Variants in CPLANE1 observed in about 807,000 individuals in gnomAD.
CPLANE1 encodes ciliogenesis and planar polarity effector complex subunit 1, also known as ciliogenesis and planar polarity effector 1.
A neutral mutation model predicts 362.5 loss-of-function variants in CPLANE1; 263 were observed. The observed-to-expected ratio is 0.73, with a 90% CI of 0.66 to 0.80. The LOEUF is 0.80. Ranked by LOEUF, CPLANE1 falls within the 30% of genes least tolerant of loss-of-function variation. CPLANE1 has a pLI of 0.00. For synonymous variants in CPLANE1, 1,212 were observed against 1,302.6 expected (o/e 0.93, Z 1.50); for missense variants, 3,461 against 3,793.4 (o/e 0.91, Z 2.30).
intron 26 of CPLANE1, among the ~76,000 whole-genome samples, chr5:37,182,415 C>G (rs1364993727): frequency 2.6e-5 from 4 of 152,198 alleles, no homozygotes; most frequent in Non-Finnish European, 4.4e-5. Context: ...ATTAAAACTA[C>G]AGAGCCACCT....
chr5:37,209,517 G>A lies in CPLANE1; in HGVS notation c.2921-3092C>T. ...GCTAATTCATGAGTTAATGCACCCT[G>A]TATTGAGTGGAGAACTGCAACCTCA... On this transcript the variant is annotated intron_variant, in intron 16 of 52. Coordinates refer to ENST00000651892, the MANE Select transcript of CPLANE1 (RefSeq NM_001384732.1). This position sits in a 1 kb window ranked among gnomAD's most constrained non-coding sequence, Gnocchi z 4.6. The A allele has an allele frequency of 1.6e-6, 2 of 1,278,530 alleles. No homozygotes were observed. 79.2% of individuals were successfully genotyped at this position (1,278,530 alleles called of 1,614,324 possible). A position where few individuals can be genotyped will look rare whatever the true frequency, so the allele number is the denominator to read the frequency against.
chr5:37,131,374 A>C (rs1346299541), intron 46 of CPLANE1, among the ~76,000 whole-genome samples: 1 of 152,102 alleles, frequency 6.6e-6, no homozygotes, highest in East Asian at 1.9e-4. Context: ...CTCTAGCTAC[A>C]TCTAATTCCT....
intron 50 of CPLANE1, among the ~76,000 whole-genome samples, chr5:37,119,707 C>T (rs535411672): frequency 6.2e-4 from 87 of 141,268 alleles, no homozygotes; most frequent in African/African-American, 2.1e-3. Flanking sequence ...CATTCAAGGC[C>T]GGGCGTGGTG....
At chr5:37,110,803 CTTT>C (rs529885756) in intron 51 of CPLANE1, among the ~76,000 whole-genome samples, 6 of 125,020 alleles carry the variant, frequency 4.8e-5, no homozygotes, top group Admixed American at 8.9e-5. Flanking sequence ...AATGTATTAA[CTTT>C]TTTTTTTTTT....
At position 37,204,352 on chromosome 5, in the gene CPLANE1, C is replaced by T. The variant is rs576026592; in HGVS notation, c.3289+963G>A. On this transcript the variant is annotated intron_variant, in intron 18 of 52. Transcript: ENST00000651892. ...GGGCCTCACAGTTGCCCTGGTTTTA[C>T]ATTAAATATACGACATTAAATGACT... Among the ~76,000 whole-genome samples, 520 of 152,306 alleles carry T rather than the reference C, an allele frequency of 3.4e-3. 2 individuals carry two copies. Among genetic ancestry groups the T allele is most frequent in the African/African-American group, 0.012 (500 of 41,586 alleles).
At chr5:37,132,414 G>A (rs1223530142) in intron 46 of CPLANE1, among the ~76,000 whole-genome samples, 2 of 141,996 alleles carry the variant, frequency 1.4e-5, no homozygotes, top group South Asian at 2.2e-4. Flanking sequence ...GCGCAATCTC[G>A]GCTCACTGCA....
At chr5:37,146,145 T>C (rs1484382578) in intron 43 of CPLANE1, among the ~76,000 whole-genome samples, 12 of 152,086 alleles carry the variant, frequency 7.9e-5, no homozygotes, top group Admixed American at 5.2e-4. Flanking sequence ...TGGCCACTTA[T>C]AGATCTTAGC....
chr5:37,122,549 C>T, intron 47 of CPLANE1, 61 bp from the exon 48 acceptor site: 13 of 1,283,146 alleles, frequency 1.0e-5, no homozygotes, highest in Non-Finnish European at 1.4e-5. Flanking sequence ...AACCATTACA[C>T]ATAATTCTGT....
chr5:37,078,679 T>C, the CPLANE1 span, among the ~76,000 whole-genome samples: 1 of 152,218 alleles, frequency 6.6e-6, no homozygotes, highest in East Asian at 1.9e-4. Context: ...AGTGTAAAGG[T>C]GTTCCTTTTC....
chr5:37,135,209 C>T (rs1353678722), intron 46 of CPLANE1, among the ~76,000 whole-genome samples: 1 of 152,048 alleles, frequency 6.6e-6, no homozygotes, highest in African/African-American at 2.4e-5. Context: ...TCATTGTTTA[C>T]CCAAAAGTCA....
intron 16 of CPLANE1, 115 bp from the exon 17 acceptor site, chr5:37,206,540 T>C: frequency 1.5e-6 from 1 of 682,314 alleles, no homozygotes; most frequent in Non-Finnish European, 2.5e-6. Flanking sequence ...ACCAGGAAGA[T>C]ACATACAAAA....
rs1210751950 is a variant in CPLANE1, at chr5:37,120,284, A to G, written c.9242T>C (p.Met3081Thr). 3 of 1,600,496 alleles carry G rather than the reference A, an allele frequency of 1.9e-6. No homozygotes were observed. The highest frequency in any genetic ancestry group is 2.6e-6 in the Non-Finnish European group (3 of 1,175,262). Residue 3081 changes from methionine to threonine, a missense_variant, in exon 50 of 53, where the codon ATG (methionine) becomes ACG (threonine). Met to Thr is a moderately conservative substitution (Grantham distance 81). Around this residue, in one of 2 missense-constraint regions of CPLANE1, gnomAD observed 3,380 missense variants for 3,666.1 expected, o/e 0.92. Coordinates refer to ENST00000651892, the MANE Select transcript of CPLANE1 (RefSeq NM_001384732.1). ...CTTATGGATATAACTCGGTTTGGAC[A>G]TATATTTGACTTTTCCAGGTCGATT... ...LINRPGKVKY[M>T]SKPSYIHKRK...
rs1314263559 is a variant in CPLANE1, at chr5:37,244,129, C to T, written c.570+246G>A. Among the ~76,000 whole-genome samples, 9 of 152,130 alleles carry T rather than the reference C, an allele frequency of 5.9e-5. No homozygotes were observed. The East Asian group carries it at 7.7e-4, about 13-fold the overall frequency. Reference sequence around the variant, plus strand: ...CCTCCCAAAGTGCTGGGAATACAGGCGTGAGCCACCGCGCCCGGCATAACA... The same window carrying T: ...CCTCCCAAAGTGCTGGGAATACAGGTGTGAGCCACCGCGCCCGGCATAACA... On this transcript the variant is annotated intron_variant, in intron 5 of 52. Transcript: ENST00000651892.
intron 51 of CPLANE1, among the ~76,000 whole-genome samples, chr5:37,110,740 G>A (rs1410803991): frequency 2.0e-5 from 3 of 151,888 alleles, no homozygotes. Context: ...GGCTTAGAGA[G>A]GTTATGTAAT....
chr5:37,175,968 T>G lies in CPLANE1; in HGVS notation c.5919A>C (p.Ser1973=). 1 of 1,612,664 alleles carries G rather than the reference T, an allele frequency of 6.2e-7. No individual in the cohort carries two copies. Among genetic ancestry groups the G allele is most frequent in the Middle Eastern group, 1.7e-4 (1 of 6,024 alleles). The change falls in exon 31 of 53, where the codon TCA becomes TCC. Residue 1973 remains serine (S), a synonymous_variant. Transcript: ENST00000651892. ...TEQKGMIEAF[S]HPGHTTPQSM... The stretch of plus-strand genomic sequence containing the variant: ...ATTGAGGAGTGGTATGCCCAGGATG[T>G]GAAAAGGCTTCGATCATACTATCAA...
intron 47 of CPLANE1, among the ~76,000 whole-genome samples, chr5:37,123,930 TACACACACACACACAC>T (rs56833956): frequency 1.4e-5 from 2 of 144,436 alleles, no homozygotes; most frequent in Admixed American, 6.9e-5. Context: ...TAGGGGAACA[TACACACACACACACAC>T]ACACACACAC....
At chr5:37,084,852 T>G in the CPLANE1 span, among the ~76,000 whole-genome samples, 1 of 151,790 alleles carries the variant, frequency 6.6e-6, no homozygotes, top group Non-Finnish European at 1.5e-5. Context: ...AATCACCTGC[T>G]GCCTTCAAGA....
intron 9 of CPLANE1, among the ~76,000 whole-genome samples, chr5:37,230,202 GA>G (rs1797414309): frequency 7.5e-6 from 1 of 133,628 alleles, no homozygotes; most frequent in African/African-American, 2.8e-5. Context: ...ATAAAACTAA[GA>G]ATGAAAATTT....
intron 31 of CPLANE1, among the ~76,000 whole-genome samples, chr5:37,174,201 T>A (rs1780551995): frequency 1.3e-5 from 2 of 152,194 alleles, no homozygotes; most frequent in African/African-American, 4.8e-5. Context: ...CATAGGGTGT[T>A]GCAAACCCAA....
Sources: gnomAD v4.1 joint callset for allele counts (sites outside exome capture counted in the v4.1 genomes callset) on GRCh38, gnomAD v4.1.1 for gene constraint, gnomAD v4.1.1 regional missense constraint, Gnocchi (gnomAD v3.1) non-coding constraint, MANE v1.5 for transcripts, NCBI Gene and HGNC (gene_info 2026-07-23, HGNC 2026-07-21) for gene names.